PLCE1: variants seen among roughly 807,000 people sequenced by gnomAD.
PLCE1 encodes 1-phosphatidylinositol 4,5-bisphosphate phosphodiesterase epsilon-1.
In PLCE1, 119 loss-of-function variants were observed where a neutral mutation model predicts 242.8. The observed-to-expected ratio is 0.49, with a 90% CI of 0.42 to 0.57. The LOEUF (loss-of-function observed/expected upper bound fraction) is 0.57. Ranked by LOEUF, PLCE1 falls within the 20% of genes least tolerant of loss-of-function variation. PLCE1 has a pLI of 0.00. For missense variants in PLCE1, 2,441 were observed against 2,788.8 expected (o/e 0.88, Z 2.81); for synonymous variants, 945 against 1,017.4 (o/e 0.93, Z 1.35).
At chr10:94,166,361 C>T (rs2047802613) in intron 3 of PLCE1, among the ~76,000 whole-genome samples, 1 of 152,124 alleles carries the variant, frequency 6.6e-6, no homozygotes, top group African/African-American at 2.4e-5. Context: ...AAAGCTTGTG[C>T]CCATTTCACC....
chr10:94,331,557 G>C lies in PLCE1; in HGVS notation c.*3614G>C, dbSNP rs1162114939. 1 of 152,228 alleles carries C rather than the reference G, an allele frequency of 6.6e-6. No individual in the cohort carries two copies. Among genetic ancestry groups the C allele is most frequent in the African/African-American group, 2.4e-5 (1 of 41,456 alleles). 9.4% of individuals were successfully genotyped at this position (152,228 alleles called of 1,614,324 possible). On this transcript the variant is annotated 3_prime_UTR_variant, in exon 33 of 33. Coordinates refer to ENST00000371380, the MANE Select transcript of PLCE1 (RefSeq NM_016341.4). ...TTTGATCTTACATTGGCAGCCTGCA[G>C]GGAAAGTGCTCTCATGGTGAAAGTC...
At chr10:94,200,099 A>G (rs113727673) in intron 4 of PLCE1, among the ~76,000 whole-genome samples, 21 of 152,246 alleles carry the variant, frequency 1.4e-4, no homozygotes, top group African/African-American at 4.8e-4. Flanking sequence ...AGAAATATCT[A>G]TAGATACACA....
chr10:94,311,442 G>A (rs946069291), intron 27 of PLCE1, among the ~76,000 whole-genome samples: 1 of 152,162 alleles, frequency 6.6e-6, no homozygotes, highest in Non-Finnish European at 1.5e-5. Context: ...GACCAAATAT[G>A]TATTTTTTGT....
intron 4 of PLCE1, among the ~76,000 whole-genome samples, chr10:94,184,901 T>G (rs1181139673): frequency 6.6e-6 from 1 of 152,226 alleles, no homozygotes; most frequent in Non-Finnish European, 1.5e-5. Context: ...TTCATTGCTA[T>G]ATCTCTGGTT....
intron 4 of PLCE1, among the ~76,000 whole-genome samples, chr10:94,188,563 C>G (rs376906086): frequency 6.6e-6 from 1 of 152,188 alleles, no homozygotes; most frequent in African/African-American, 2.4e-5. Context: ...ACTCCTGCAG[C>G]CTGCATAGCT....
intron 1 of PLCE1, among the ~76,000 whole-genome samples, chr10:94,023,707 G>A (rs2061412503): frequency 6.6e-6 from 1 of 152,116 alleles, no homozygotes; most frequent in Admixed American, 6.6e-5. Flanking sequence ...TGTATTGGCA[G>A]CCTTATCAAT....
intron 3 of PLCE1, among the ~76,000 whole-genome samples, chr10:94,134,462 A>C (rs1042559796): frequency 2.6e-5 from 4 of 152,216 alleles, no homozygotes; most frequent in Non-Finnish European, 5.9e-5. Context: ...AAAATGGATT[A>C]AAAACCCAGA....
intron 4 of PLCE1, among the ~76,000 whole-genome samples, chr10:94,190,850 T>C (rs1344290718): frequency 6.6e-6 from 1 of 152,204 alleles, no homozygotes; most frequent in Admixed American, 6.5e-5. Flanking sequence ...GTGTGCTAGA[T>C]TGGTGATGCA....
intron 4 of PLCE1, among the ~76,000 whole-genome samples, chr10:94,195,384 C>G (rs915781719): frequency 1.1e-4 from 16 of 152,054 alleles, no homozygotes; most frequent in African/African-American, 3.4e-4. Context: ...GTGCCTAAAC[C>G]CTGGAGAGCC....
At chr10:94,146,615 C>A (rs149666135) in intron 3 of PLCE1, among the ~76,000 whole-genome samples, 1 of 152,268 alleles carries the variant, frequency 6.6e-6, no homozygotes, top group Non-Finnish European at 1.5e-5. Flanking sequence ...TTGAACCAAG[C>A]AGAATAAACA....
At chr10:94,319,861 GCTC>G (rs1165329201) in intron 29 of PLCE1, among the ~76,000 whole-genome samples, 7 of 87,570 alleles carry the variant, frequency 8.0e-5, no homozygotes, top group South Asian at 6.6e-4. Flanking sequence ...GCTCAAAGGT[GCTC>G]TTTTTTTTTT....
intron 2 of PLCE1, among the ~76,000 whole-genome samples, chr10:94,055,252 A>G (rs1036145116): frequency 6.6e-6 from 1 of 151,506 alleles, no homozygotes; most frequent in Admixed American, 6.6e-5. Flanking sequence ...TATATATATT[A>G]ATAAATTAGT....
At chr10:94,174,261 C>G (rs943075067) in intron 4 of PLCE1, among the ~76,000 whole-genome samples, 1 of 151,870 alleles carries the variant, frequency 6.6e-6, no homozygotes, top group African/African-American at 2.4e-5. Context: ...TAATCCATAC[C>G]GATATAAATA....
In PLCE1 at chr10:94,233,663, T is replaced by C. The variant is rs572000730; in HGVS notation, c.1956-391T>C. Among the ~76,000 whole-genome samples the C allele has an allele frequency of 4.6e-5, 7 of 152,248 alleles. No individual in the cohort carries two copies. In the South Asian group the frequency reaches 1.0e-3, roughly 23 times the overall value. ...ATAAATATTAACAAGTAAAGAATAT[T>C]GGGGCTGGGCGCGGTGGCTCATGCC... is the stretch of plus-strand genomic sequence containing the variant. On this transcript the variant is annotated intron_variant, in intron 5 of 32. Transcript: ENST00000371380.
rs900119672 is a variant in PLCE1, at chr10:94,332,614, T to C, written c.*4671T>C. The C allele has an allele frequency of 3.3e-5, 5 of 151,846 alleles. No homozygotes were observed. The highest frequency in any genetic ancestry group is 5.9e-5 in the Non-Finnish European group (4 of 67,968). The allele number at this position is 151,846 out of a possible 1,614,324, so 9.4% of individuals were successfully genotyped here. A position where few individuals can be genotyped will look rare whatever the true frequency, so the allele number is the denominator to read the frequency against. On this transcript the variant is annotated 3_prime_UTR_variant, in exon 33 of 33. Coordinates refer to ENST00000371380, the MANE Select transcript of PLCE1 (RefSeq NM_016341.4). ...ACAAATATATTTCCTCAAATTCACA[T>C]AGGATACTCAAATATAGATGTATAA...
At chr10:94,024,555 C>T (rs545094455) in intron 1 of PLCE1, among the ~76,000 whole-genome samples, 1 of 152,248 alleles carries the variant, frequency 6.6e-6, no homozygotes, top group African/African-American at 2.4e-5. Flanking sequence ...AATACCCTAT[C>T]ATTAGACTTT....
At chr10:94,165,890 A>G (rs1246527510) in intron 3 of PLCE1, among the ~76,000 whole-genome samples, 1 of 152,006 alleles carries the variant, frequency 6.6e-6, no homozygotes, top group Non-Finnish European at 1.5e-5. Context: ...TATTTTTAGT[A>G]GAGACGGGAT....
At chr10:94,061,266 CAACT>C (rs1157343226) in intron 2 of PLCE1, among the ~76,000 whole-genome samples, 1 of 152,156 alleles carries the variant, frequency 6.6e-6, no homozygotes, top group Non-Finnish European at 1.5e-5. Context: ...GGATGTACTG[CAACT>C]GAAACTCTTC....
chr10:94,153,312 C>T (rs959447873), intron 3 of PLCE1, among the ~76,000 whole-genome samples: 4 of 151,792 alleles, frequency 2.6e-5, no homozygotes, highest in African/African-American at 4.8e-5. Context: ...GAACAATAGA[C>T]GAAAACCACA....
Sources: gnomAD v4.1 joint callset for allele counts (sites outside exome capture counted in the v4.1 genomes callset) on GRCh38, gnomAD v4.1.1 for gene constraint, MANE v1.5 for transcripts, NCBI Gene and HGNC (gene_info 2026-07-23, HGNC 2026-07-21) for gene names.